The following CCDC117 variants were observed in gnomAD, a reference collection of about 807,000 sequenced individuals.
CCDC117 encodes coiled-coil domain containing 117, also known as coiled-coil domain-containing protein 117.
A neutral mutation model predicts 23.5 loss-of-function variants in CCDC117; 1 was observed. The observed-to-expected ratio is 0.04, with a 90% CI of 0.02 to 0.20. The LOEUF (loss-of-function observed/expected upper bound fraction) is 0.20. Ranked by LOEUF, CCDC117 falls within the 10% of genes least tolerant of loss-of-function variation. The pLI, the probability that CCDC117 is intolerant of heterozygous loss-of-function variation, is 1.00. For missense variants in CCDC117, 383 were observed against 348.2 expected (o/e 1.10, Z -0.80); for synonymous variants, 132 against 124.8 (o/e 1.06, Z -0.39).
chr22:28,772,737 T>A lies in CCDC117; in HGVS notation c.-113T>A. ...GGGTTCTAGAAGGCGTGACGTGGGG[T>A]CGAGAGCGGGATCCGAGGCTGGCGG... On this transcript the variant is annotated 5_prime_UTR_variant, in exon 1 of 5. Coordinates refer to ENST00000249064, the MANE Select transcript of CCDC117 (RefSeq NM_173510.4). 2.4e-6 allele frequency: 2 copies of A among 843,256 alleles called. No individual in the cohort carries two copies. Among genetic ancestry groups the A allele is most frequent in the Non-Finnish European group, 3.1e-6 (2 of 642,622 alleles). 52.2% of individuals were successfully genotyped at this position (843,256 alleles called of 1,614,324 possible). A position where few individuals can be genotyped will look rare whatever the true frequency, so the allele number is the denominator to read the frequency against.
intron 1 of CCDC117, chr22:28,773,509 C>G: frequency 1.7e-6 from 1 of 586,120 alleles, no homozygotes; most frequent in South Asian, 2.1e-5. Flanking sequence ...TCTTCCATTA[C>G]GTTGATAAAA....
rs1451240799 is a variant in CCDC117, at chr22:28,786,245, T to A, written c.759T>A (p.Phe253Leu). Residue 253 changes from phenylalanine (F) to leucine (L), a missense_variant, in exon 5 of 5, where the codon TTT becomes TTA. Physicochemically the swap from Phe to Leu is conservative, Grantham distance 22. Coordinates refer to ENST00000249064, the MANE Select transcript of CCDC117 (RefSeq NM_173510.4). ...GTAFPQRTELFSEPRPTGMSL... is the reference protein window; with the variant it reads ...GTAFPQRTELLSEPRPTGMSL... ...CCTTCCCTCAGAGAACTGAACTGTT[T>A]TCGGAACCTCGGCCAACAGGGATGT... 15 of 1,614,064 alleles carry A rather than the reference T, an allele frequency of 9.3e-6. No homozygotes were observed. The highest frequency in any genetic ancestry group is 1.2e-5 in the Non-Finnish European group (14 of 1,180,038).
In CCDC117 at chr22:28,783,601, G is replaced by C. The variant is rs756044555; in HGVS notation, c.558G>C (p.Lys186Asn). The C allele has an allele frequency of 1.9e-6, 3 of 1,613,804 alleles. No individual in the cohort carries two copies. The highest frequency in any genetic ancestry group is 2.5e-6 in the Non-Finnish European group (3 of 1,179,908). ...CTGATACCATGAAAACAGGTTTGAA[G>C]AGGGAATTTGATGAAGTTTTTACAA... is the stretch of plus-strand genomic sequence containing the variant. ...VLSDTMKTGL[K>N]REFDEVFTKK... Residue 186 changes from lysine to asparagine, a missense_variant, in exon 4 of 5, where the codon AAG (lysine) becomes AAC (asparagine). By Grantham distance (94) the Lys-to-Asn change is moderately conservative. Transcript: ENST00000249064.
Position 28,789,109 on chromosome 22 carries a change from A to T in CCDC117, c.*2783A>T, listed in dbSNP as rs1185333836. 8.4e-6 allele frequency: 1 copy of T among 119,606 alleles called. No homozygotes were observed. The highest frequency in any genetic ancestry group is 2.0e-5 in the Non-Finnish European group (1 of 51,108). The allele number at this position is 119,606 out of a possible 1,614,324, so 7.4% of individuals were successfully genotyped here. A position where few individuals can be genotyped will look rare whatever the true frequency, so the allele number is the denominator to read the frequency against. On this transcript the variant is annotated 3_prime_UTR_variant, in exon 5 of 5. Transcript: ENST00000249064. ...TAACTAAAGTAGGGGCTGGAACCAT[A>T]AGAAGAATGTTTATCAGCACGTTCA... is the stretch of plus-strand genomic sequence containing the variant.
At chr22:28,785,089 A>T (rs970107903) in intron 4 of CCDC117, among the ~76,000 whole-genome samples, 2 of 151,108 alleles carry the variant, frequency 1.3e-5, no homozygotes, top group African/African-American at 4.9e-5. Context: ...TCATTATTTT[A>T]TGTTTTATTT....
intron 4 of CCDC117, among the ~76,000 whole-genome samples, chr22:28,784,119 T>C (rs193192983): frequency 3.3e-5 from 5 of 152,358 alleles, no homozygotes; most frequent in South Asian, 2.1e-4. Flanking sequence ...TCCAGGCCTT[T>C]AGCAGAACTG....
At chr22:28,776,199 A>G (rs2031156911) in intron 2 of CCDC117, among the ~76,000 whole-genome samples, 1 of 152,122 alleles carries the variant, frequency 6.6e-6, no homozygotes, top group African/African-American at 2.4e-5. Context: ...GCTTGAGCCC[A>G]GGAATTCAAG....
Position 28,787,547 on chromosome 22 carries a change from G to T in CCDC117, c.*1221G>T, listed in dbSNP as rs1274208782. On this transcript the variant is annotated 3_prime_UTR_variant, in exon 5 of 5. Transcript: ENST00000249064. Reference sequence around the variant, plus strand: ...AAATAGCCAATTTGACTGGTGCTTAGACTATTGTGCAGTAAACCTAAAAGG... The same window carrying T: ...AAATAGCCAATTTGACTGGTGCTTATACTATTGTGCAGTAAACCTAAAAGG... The T allele has an allele frequency of 6.6e-6, 1 of 152,360 alleles. No individual in the cohort carries two copies. The highest frequency in any genetic ancestry group is 2.4e-5 in the African/African-American group (1 of 41,428). The allele number at this position is 152,360 out of a possible 1,614,324, so 9.4% of individuals were successfully genotyped here.
intron 4 of CCDC117, among the ~76,000 whole-genome samples, chr22:28,785,560 C>A (rs1453452505): frequency 6.6e-6 from 1 of 152,084 alleles, no homozygotes; most frequent in African/African-American, 2.4e-5. Flanking sequence ...CCAGTGTTTC[C>A]TTTTCATTTA....
At position 28,786,220 on chromosome 22, in the gene CCDC117, C is replaced by T; in HGVS notation, c.734C>T (p.Ala245Val). The change falls in exon 5 of 5, where the codon GCC (alanine) becomes GTC (valine). Residue 245 changes from alanine (A) to valine (V), a missense_variant. Ala to Val is a moderately conservative substitution (Grantham distance 64, BLOSUM62 0). Coordinates refer to ENST00000249064, the MANE Select transcript of CCDC117 (RefSeq NM_173510.4). ...GCTAAGCATGTAGCTGCTGGCACTG[C>T]CTTCCCTCAGAGAACTGAACTGTTT... ...SQAKHVAAGT[A>V]FPQRTELFSE... 1 of 1,614,156 alleles carries T rather than the reference C, an allele frequency of 6.2e-7. No individual in the cohort carries two copies. Among genetic ancestry groups the T allele is most frequent in the Non-Finnish European group, 8.5e-7 (1 of 1,179,994 alleles).
At chr22:28,776,793 A>C (rs1055827448) in intron 2 of CCDC117, among the ~76,000 whole-genome samples, 4 of 151,856 alleles carry the variant, frequency 2.6e-5, no homozygotes, top group African/African-American at 9.7e-5. Flanking sequence ...CATTTTGGTC[A>C]GGCTGGTCTG....
In CCDC117 at chr22:28,781,330, G is replaced by GTTTTT. The variant is rs1404977996; in HGVS notation, c.464+162_464+163insTTTTT. On this transcript the variant is annotated intron_variant, in intron 3 of 4. Coordinates refer to ENST00000249064, the MANE Select transcript of CCDC117 (RefSeq NM_173510.4). ...AAAGTGTATTCGTTTTTGTTTTTTT[G>GTTTTT]TTTTGTTTTTTTTTTTTTTTTTTTT... Among the ~76,000 whole-genome samples the GTTTTT allele has an allele frequency of 7.7e-4, 29 of 37,656 alleles. 1 individual carries two copies. The highest frequency in any genetic ancestry group is 1.0e-3 in the Non-Finnish European group (23 of 22,060). 24.7% of individuals were successfully genotyped at this position (37,656 alleles called of 152,430 possible).
Position 28,773,748 on chromosome 22 carries a change from AACAC to A in CCDC117, c.211_214del (p.His71SerfsTer12). 1 of 1,614,042 alleles carries A rather than the reference AACAC, an allele frequency of 6.2e-7. No homozygotes were observed. Among genetic ancestry groups the A allele is most frequent in the Admixed American group, 1.7e-5 (1 of 60,016 alleles). On this transcript the variant is annotated frameshift_variant, in exon 2 of 5. Coordinates refer to ENST00000249064, the MANE Select transcript of CCDC117 (RefSeq NM_173510.4). LOFTEE classifies it high-confidence loss of function. ...AGTGTTTCTGTTCACTGTAAAAAGA[AACAC>A]AAGCGAGAGGAGGAGGAGGATGATG...
At chr22:28,775,837 C>G (rs1389881418) in intron 2 of CCDC117, among the ~76,000 whole-genome samples, 26 of 152,112 alleles carry the variant, frequency 1.7e-4, no homozygotes, top group Admixed American at 1.7e-3. Context: ...GCAGAGGTTG[C>G]AGTGAGCCGA....
rs188004589 is a variant in CCDC117 at position 28,780,526 on chromosome 22, A to G, written c.240-422A>G. 7.2e-5 allele frequency among the ~76,000 whole-genome samples: 11 copies of G among 152,150 alleles called. No individual in the cohort carries two copies. The East Asian group carries it at 1.3e-3, about 19-fold the overall frequency. On this transcript the variant is annotated intron_variant, in intron 2 of 4. Transcript: ENST00000249064. ...TCATGGTTTGAATTAGCGTCTCACT[A>G]TGTTGCCCAAGCTGGTCTTGAACTC...
Position 28,786,400 on chromosome 22 carries a change from A to G in CCDC117, c.*74A>G. ...TCAGTTATGAGACTCTTTGCATAGTATAGGGACTTGAAAGTTTTATGAGAC... is the reference window on the plus strand; with the variant it reads ...TCAGTTATGAGACTCTTTGCATAGTGTAGGGACTTGAAAGTTTTATGAGAC... On this transcript the variant is annotated 3_prime_UTR_variant, in exon 5 of 5. Coordinates refer to ENST00000249064, the MANE Select transcript of CCDC117 (RefSeq NM_173510.4). The G allele has an allele frequency of 9.5e-7, 1 of 1,047,182 alleles. No individual in the cohort carries two copies. The highest frequency in any genetic ancestry group is 1.4e-6 in the Non-Finnish European group (1 of 707,422). 64.9% of individuals were successfully genotyped at this position (1,047,182 alleles called of 1,614,324 possible).
chr22:28,781,322 G>GTTTTTTTTTTTTTTT (rs1569198880), intron 3 of CCDC117, 150 bp downstream of exon 3: 1 of 262,088 alleles, frequency 3.8e-6, no homozygotes, highest in Non-Finnish European at 8.2e-6. Context: ...ATTCGTTTTT[G>GTTTTTTTTTTTTTTT]TTTTTTTGTT....
At chr22:28,779,267 T>C (rs1288373834) in intron 2 of CCDC117, among the ~76,000 whole-genome samples, 1 of 152,152 alleles carries the variant, frequency 6.6e-6, no homozygotes, top group Non-Finnish European at 1.5e-5. Flanking sequence ...AGTGACGCAA[T>C]CTTGGCTCAC....
chr22:28,774,223 A>G (rs1601418997), intron 2 of CCDC117, among the ~76,000 whole-genome samples: 1 of 147,740 alleles, frequency 6.8e-6, no homozygotes. Flanking sequence ...GCCCGCCACC[A>G]CGCCTGGCAA....
Sources: allele counts gnomAD v4.1 joint callset (sites outside exome capture counted in the v4.1 genomes callset), GRCh38; gene constraint gnomAD v4.1.1; transcripts MANE v1.5; gene names NCBI Gene and HGNC (gene_info 2026-07-23, HGNC 2026-07-21).